The following PRDM2 variants were observed in gnomAD, a reference collection of about 807,000 sequenced individuals.
PRDM2 encodes the protein PR/SET domain 2, also known as PR domain zinc finger protein 2.
PRDM2 carries 30 observed loss-of-function variants against 130.0 expected under a neutral mutation model. That is an observed-to-expected ratio of 0.23 (90% CI 0.17 to 0.31). PRDM2 has a LOEUF of 0.31. PRDM2 is among the 10% of genes least tolerant of loss of function. The pLI is 1.00. For missense variants in PRDM2, 2,011 were observed against 2,108.4 expected (o/e 0.95, Z 0.90); for synonymous variants, 871 against 782.4 (o/e 1.11, Z -1.89).
intron 8 of PRDM2, chr1:13,787,533 G>T: frequency 2.0e-6 from 2 of 982,740 alleles, no homozygotes; most frequent in Non-Finnish European, 2.4e-6. Flanking sequence ...TTTGTTTGGT[G>T]AATTTGTGCC....
chr1:13,703,499 A>G (rs1050820584), intron 1 of PRDM2, among the ~76,000 whole-genome samples: 3 of 152,244 alleles, frequency 2.0e-5, no homozygotes, highest in African/African-American at 7.2e-5. Flanking sequence ...CAAGAAGTGG[A>G]CTTCAGGTCT....
chr1:13,811,009 C>A (rs1286839430), intron 8 of PRDM2, among the ~76,000 whole-genome samples: 2 of 151,796 alleles, frequency 1.3e-5, no homozygotes, highest in Admixed American at 1.3e-4. Flanking sequence ...CATGGTGAAA[C>A]CCCGTCTCTA....
At chr1:13,756,703 C>T (rs1306455498) in intron 6 of PRDM2, among the ~76,000 whole-genome samples, 1 of 152,186 alleles carries the variant, frequency 6.6e-6, no homozygotes, top group Non-Finnish European at 1.5e-5. Context: ...TTGATGTGGA[C>T]ATATGTCATG....
At chr1:13,754,650 A>G (rs1316570700) in intron 6 of PRDM2, among the ~76,000 whole-genome samples, 3 of 152,244 alleles carry the variant, frequency 2.0e-5, no homozygotes, top group East Asian at 3.9e-4. Flanking sequence ...TGATCTCCTA[A>G]CCTTTCGTAG....
chr1:13,781,524 G>C lies in PRDM2; in HGVS notation c.3729G>C (p.Glu1243Asp), dbSNP rs1389008192. ...CAGATCCCAGCAAGGCCCATGTAGAGCATATGCAGAGCTTGCCAGAAGATC... is the reference window on the plus strand; with the variant it reads ...CAGATCCCAGCAAGGCCCATGTAGACCATATGCAGAGCTTGCCAGAAGATC... ...NFTDPSKAHV[E>D]HMQSLPEDPL... Residue 1243 changes from glutamate to aspartate, a missense_variant, in exon 8 of 10, where the codon GAG (glutamate) becomes GAC (aspartate). Around this residue, in one of 5 missense-constraint regions of PRDM2, gnomAD observed 229 missense variants for 364.1 expected, o/e 0.63. Transcript: ENST00000311066. The surrounding 1 kb of genome is among the most constrained non-coding windows in gnomAD (Gnocchi z 6.1). The C allele has an allele frequency of 6.2e-7, 1 of 1,612,696 alleles. No individual in the cohort carries two copies.
At chr1:13,747,920 A>G (rs190902077) in intron 5 of PRDM2, among the ~76,000 whole-genome samples, 1 of 152,346 alleles carries the variant, frequency 6.6e-6, no homozygotes, top group East Asian at 1.9e-4. Flanking sequence ...AATTGTTCCA[A>G]TCATGTCTTT....
At chr1:13,713,563 A>T (rs1317529867) in intron 1 of PRDM2, among the ~76,000 whole-genome samples, 1 of 152,216 alleles carries the variant, frequency 6.6e-6, no homozygotes. Context: ...AAAGGCAAAC[A>T]AAGGGAAATG....
intron 8 of PRDM2, chr1:13,787,452 G>T: frequency 1.0e-6 from 1 of 985,244 alleles, no homozygotes; most frequent in Non-Finnish European, 1.2e-6. Flanking sequence ...AAAGCGGCTA[G>T]GTTTTATTCA....
intron 5 of PRDM2, among the ~76,000 whole-genome samples, chr1:13,745,425 G>T (rs1217860221): frequency 1.4e-5 from 2 of 139,274 alleles, no homozygotes; most frequent in South Asian, 2.3e-4. Flanking sequence ...TAAGCTAATG[G>T]TTTTTTTTTT....
At chr1:13,772,382 C>A (rs1238885538) in intron 6 of PRDM2, among the ~76,000 whole-genome samples, 2 of 152,186 alleles carry the variant, frequency 1.3e-5, no homozygotes, top group Non-Finnish European at 2.9e-5. Context: ...TTAATCTTAC[C>A]TTGTAAACGT....
chr1:13,798,591 T>C (rs1036158498), intron 8 of PRDM2, among the ~76,000 whole-genome samples: 11 of 152,152 alleles, frequency 7.2e-5, no homozygotes, highest in African/African-American at 2.7e-4. Context: ...AAGATTCGAG[T>C]CCTTACAGGC....
intron 8 of PRDM2, among the ~76,000 whole-genome samples, chr1:13,805,217 C>T (rs1645069216): frequency 6.6e-6 from 1 of 152,140 alleles, no homozygotes; most frequent in Admixed American, 6.5e-5. Flanking sequence ...TTTTTTCCCC[C>T]TTGCCTGACA....
intron 8 of PRDM2, among the ~76,000 whole-genome samples, chr1:13,789,920 T>TG (rs1285814915): frequency 3.3e-5 from 5 of 152,250 alleles, no homozygotes; most frequent in African/African-American, 9.6e-5. Flanking sequence ...GCACCACTCC[T>TG]GCAGCTGCCG....
intron 4 of PRDM2, among the ~76,000 whole-genome samples, chr1:13,733,584 G>A (rs1042678342): frequency 3.3e-5 from 5 of 152,150 alleles, no homozygotes; most frequent in African/African-American, 9.7e-5. Context: ...CTCTAGCTTC[G>A]TGACTTGCAG....
In PRDM2 at chr1:13,780,499, C is replaced by T; in HGVS notation, c.2704C>T (p.Pro902Ser). Reference protein sequence around the residue: ...LLNEYNGIDLPVENPADGTRS... With the variant: ...LLNEYNGIDLSVENPADGTRS... Reference sequence around the variant, plus strand: ...CAATGAATATAATGGCATCGATTTACCTGTAGAAAACCCTGCAGATGGGAC... The same window carrying T: ...CAATGAATATAATGGCATCGATTTATCTGTAGAAAACCCTGCAGATGGGAC... Residue 902 changes from proline to serine, a missense_variant, in exon 8 of 10, where the codon CCT (proline) becomes TCT (serine). Coordinates refer to ENST00000311066, the MANE Select transcript of PRDM2 (RefSeq NM_001393986.1). 6.2e-7 allele frequency: 1 copy of T among 1,614,178 alleles called. No individual in the cohort carries two copies. Among genetic ancestry groups the T allele is most frequent in the Non-Finnish European group, 8.5e-7 (1 of 1,180,040 alleles).
chr1:13,816,621 G>A, intron 9 of PRDM2, 51 bp downstream of exon 9: 3 of 1,599,242 alleles, frequency 1.9e-6, no homozygotes, highest in Non-Finnish European at 2.6e-6. Flanking sequence ...GGGTCAAGGG[G>A]GTGTGGGCTT....
At chr1:13,795,280 A>G (rs1318631226) in intron 8 of PRDM2, among the ~76,000 whole-genome samples, 1 of 152,212 alleles carries the variant, frequency 6.6e-6, no homozygotes, top group African/African-American at 2.4e-5. Context: ...CTTTCCATGT[A>G]TTACCTCATT....
intron 5 of PRDM2, among the ~76,000 whole-genome samples, chr1:13,746,762 G>A (rs982939531): frequency 4.6e-5 from 7 of 152,032 alleles, no homozygotes; most frequent in African/African-American, 1.7e-4. Flanking sequence ...TCGCCATGTT[G>A]CCCAGGCTGG....
At chr1:13,726,905 C>T (rs1445031960) in intron 2 of PRDM2, among the ~76,000 whole-genome samples, 1 of 152,160 alleles carries the variant, frequency 6.6e-6, no homozygotes, top group Non-Finnish European at 1.5e-5. Flanking sequence ...ACAGGGCGTA[C>T]TGGGAGACGC....
Sources: gnomAD v4.1 joint callset for allele counts (sites outside exome capture counted in the v4.1 genomes callset) on GRCh38, gnomAD v4.1.1 for gene constraint, gnomAD v4.1.1 regional missense constraint, Gnocchi (gnomAD v3.1) non-coding constraint, MANE v1.5 for transcripts, NCBI Gene and HGNC (gene_info 2026-07-23, HGNC 2026-07-21) for gene names.